The following DOK4 variants were observed in gnomAD, a reference collection of about 807,000 sequenced individuals.
The protein encoded by DOK4 is docking protein 4, also known as downstream of tyrosine kinase 4.
DOK4 carries 26 observed loss-of-function variants against 40.1 expected under a neutral mutation model. The ratio of observed to expected loss-of-function variants is 0.65; its 90% CI spans 0.48 to 0.90. DOK4 has a LOEUF of 0.90. Among genes scored for constraint, DOK4 ranks in the 40% least tolerant of loss-of-function variants. The probability of loss-of-function intolerance (pLI) is 0.00; values close to 1 mark genes in which losing one functional copy is unlikely to be tolerated. For synonymous variants in DOK4, 179 were observed against 177.0 expected (o/e 1.01, Z -0.09); for missense variants, 392 against 437.2 (o/e 0.90, Z 0.92).
rs553789939 is a variant in DOK4 at position 57,483,706 on chromosome 16, T to C, written c.-182+2599A>G. On this transcript the variant is annotated intron_variant, in intron 1 of 8. Transcript: ENST00000340099. ...AGGCTAGGCAGGCCAGGAATTGGGT[T>C]GAAGTAGCCCCTGCCCTGTTTGTCC... is the stretch of plus-strand genomic sequence containing the variant. Among the ~76,000 whole-genome samples the C allele has an allele frequency of 2.2e-4, 33 of 152,274 alleles. No homozygotes were observed. In the East Asian group the frequency reaches 6.2e-3, roughly 29 times the overall value.
chr16:57,473,589 G>T (rs768841954), intron 8 of DOK4, 24 bp downstream of exon 8: 12 of 1,614,160 alleles, frequency 7.4e-6, no homozygotes, highest in Non-Finnish European at 1.0e-5. Flanking sequence ...TGGCAGGTGG[G>T]TGTGGGGCAT....
In DOK4 at chr16:57,479,325, G is replaced by A. The variant is rs2031322637; in HGVS notation, c.66+117C>T. 7.8e-6 allele frequency: 9 copies of A among 1,160,838 alleles called. No individual in the cohort carries two copies. Among genetic ancestry groups the A allele is most frequent in the African/African-American group, 1.5e-5 (1 of 65,434 alleles). 71.9% of individuals were successfully genotyped at this position (1,160,838 alleles called of 1,614,324 possible). A position where few individuals can be genotyped will look rare whatever the true frequency, so the allele number is the denominator to read the frequency against. The stretch of plus-strand genomic sequence containing the variant: ...AGGAGCCCCGAGACCACAGATGCAC[G>A]ATGCCCGGCAGCCGGAGGGCAGCCG... On this transcript the variant is annotated intron_variant, in intron 2 of 8. Coordinates refer to ENST00000340099, the Ensembl canonical transcript of DOK4. The surrounding 1 kb of genome is among the most constrained non-coding windows in gnomAD (Gnocchi z 5.8).
At chr16:57,477,601 G>T (rs1278463465) in intron 2 of DOK4, among the ~76,000 whole-genome samples, 1 of 152,210 alleles carries the variant, frequency 6.6e-6, no homozygotes, top group Non-Finnish European at 1.5e-5. Context: ...CGGTTGCCTG[G>T]TTACAGGATA....
chr16:57,473,411 C>A, exon 9 of DOK4: 1 of 1,614,118 alleles, frequency 6.2e-7, no homozygotes, highest in Non-Finnish European at 8.5e-7. Flanking sequence ...ACTGCTGTCC[C>A]CCTGGCTGGG....
At position 57,485,268 on chromosome 16, in the gene DOK4, A is replaced by C. The variant is rs1322915222; in HGVS notation, c.-182+1037T>G. 6.6e-6 allele frequency among the ~76,000 whole-genome samples: 1 copy of C among 152,202 alleles called. No individual in the cohort carries two copies. Among genetic ancestry groups the C allele is most frequent in the East Asian group, 1.9e-4 (1 of 5,196 alleles). On this transcript the variant is annotated intron_variant, in intron 1 of 8. Transcript: ENST00000340099. The surrounding 1 kb of genome is among the most constrained non-coding windows in gnomAD (Gnocchi z 4.3). ...AGGCCAGGCCTAGTTGGGCGGCCCC[A>C]CCTTGGCCAGGGTTGTGGGGTGAGG...
chr16:57,475,734 T>G, intron 3 of DOK4, 114 bp from the exon 4 acceptor site: 2 of 464,756 alleles, frequency 4.3e-6, no homozygotes, highest in Non-Finnish European at 7.2e-6. Context: ...TTCTCTCTCC[T>G]CCTCTCCCTC....
intron 2 of DOK4, among the ~76,000 whole-genome samples, chr16:57,476,697 G>A (rs1318798949): frequency 6.6e-6 from 1 of 152,224 alleles, no homozygotes; most frequent in Non-Finnish European, 1.5e-5. Context: ...GCTGTTTGAG[G>A]TAAAGGGGTG....
intron 6 of DOK4, 153 bp downstream of exon 6, chr16:57,474,640 T>G: frequency 1.0e-6 from 1 of 1,003,110 alleles, no homozygotes; most frequent in Non-Finnish European, 1.4e-6. Flanking sequence ...CTCCATTTCA[T>G]TTCTTCGTCT....
rs2031311487 is a variant in DOK4, at chr16:57,479,109, G to C, written c.66+333C>G. On this transcript the variant is annotated intron_variant, in intron 2 of 8. Transcript: ENST00000340099. This position sits in a 1 kb window ranked among gnomAD's most constrained non-coding sequence, Gnocchi z 5.8. ...CTCAGCTCAGACACAGCCCGGCCTT[G>C]CCAGCCGCCCCTGCTGCTGCTGTGG... Among the ~76,000 whole-genome samples, 1 of 152,180 alleles carries C rather than the reference G, an allele frequency of 6.6e-6. No individual in the cohort carries two copies. Among genetic ancestry groups the C allele is most frequent in the Admixed American group, 6.5e-5 (1 of 15,284 alleles).
chr16:57,486,212 T>G (rs560344942), intron 1 of DOK4, 93 bp downstream of exon 1: 1 of 152,066 alleles, frequency 6.6e-6, no homozygotes, highest in East Asian at 1.9e-4. Context: ...GTTCAGGAAG[T>G]GACTGAGGGT....
At chr16:57,473,279 C>T (rs1567586363) in exon 9 of DOK4, 2 of 1,477,838 alleles carry the variant, frequency 1.4e-6, no homozygotes, top group African/African-American at 1.4e-5. Context: ...TTTCTCCAGG[C>T]TCTTGGCCGA....
chr16:57,477,401 A>C (rs1432313462), intron 2 of DOK4, among the ~76,000 whole-genome samples: 2 of 152,236 alleles, frequency 1.3e-5, no homozygotes, highest in Non-Finnish European at 2.9e-5. Context: ...AATTTTATCC[A>C]CAGAATCCTC....
At chr16:57,487,277 C>T (rs1013858851), upstream of DOK4, 1 of 152,208 alleles carries the variant, frequency 6.6e-6, no homozygotes. Context: ...AAAGTGTAGT[C>T]CCTGGACCAG....
intron 2 of DOK4, among the ~76,000 whole-genome samples, chr16:57,478,350 T>A (rs1475029688): frequency 7.5e-6 from 1 of 133,478 alleles, no homozygotes; most frequent in Non-Finnish European, 1.6e-5. Flanking sequence ...CAGATCCCTC[T>A]CCCACTCCGC....
At chr16:57,476,948 C>A (rs537017942) in intron 2 of DOK4, among the ~76,000 whole-genome samples, 12 of 152,340 alleles carry the variant, frequency 7.9e-5, no homozygotes, top group African/African-American at 2.4e-4. Context: ...TTGCATGACC[C>A]CTCCCTCCTG....
intron 2 of DOK4, among the ~76,000 whole-genome samples, chr16:57,477,374 C>T (rs1365105264): frequency 6.6e-6 from 1 of 152,254 alleles, no homozygotes; most frequent in Non-Finnish European, 1.5e-5. Flanking sequence ...TGCAGCGCTC[C>T]CTTAAGACAG....
At chr16:57,476,152 A>G in intron 2 of DOK4, 195 bp from the exon 3 acceptor site, 5 of 579,994 alleles carry the variant, frequency 8.6e-6, no homozygotes, top group Non-Finnish European at 1.5e-5. Flanking sequence ...CCCAAATTGA[A>G]AAGTCATTGA....
At position 57,479,657 on chromosome 16, in the gene DOK4, A is replaced by G. The variant is rs1287373117; in HGVS notation, c.-150T>C. ...TGCTCCTCACCTCACCCGCCTCAGC[A>G]TTGTTCTAGCAGCTCCTTCGCCCCG... On this transcript the variant is annotated 5_prime_UTR_variant, in exon 2 of 9. It removes an upstream start codon present in the reference 5' UTR. Coordinates refer to ENST00000340099, the Ensembl canonical transcript of DOK4. This position sits in a 1 kb window ranked among gnomAD's most constrained non-coding sequence, Gnocchi z 5.8. 6 of 744,494 alleles carry G rather than the reference A, an allele frequency of 8.1e-6. No homozygotes were observed. The highest frequency in any genetic ancestry group is 1.4e-5 in the Non-Finnish European group (6 of 439,010). The allele number at this position is 744,494 out of a possible 1,614,324, so 46.1% of individuals were successfully genotyped here.
At chr16:57,473,318 TGCAGCCAGCCCCGCA>T (rs1159806714) in exon 9 of DOK4, 4 of 1,565,890 alleles carry the variant, frequency 2.6e-6, no homozygotes, top group East Asian at 2.3e-5. Context: ...CACGGTACAC[TGCAGCCAGCCCCGCA>T]GCAGGCAGCC....
Sources: allele counts gnomAD v4.1 joint callset (sites outside exome capture counted in the v4.1 genomes callset), GRCh38; gene constraint gnomAD v4.1.1; non-coding constraint Gnocchi (gnomAD v3.1); transcripts MANE v1.5; gene names NCBI Gene and HGNC (gene_info 2026-07-23, HGNC 2026-07-21).